UBE3C: variants seen among roughly 807,000 people sequenced by gnomAD.
UBE3C encodes ubiquitin protein ligase E3C, also known as ubiquitin-protein ligase E3C.
Under a neutral mutation model 129.4 loss-of-function variants are expected in UBE3C, and 42 were observed. The ratio of observed to expected loss-of-function variants is 0.32; its 90% CI spans 0.25 to 0.42. The LOEUF (loss-of-function observed/expected upper bound fraction) is 0.42. UBE3C is among the 10% of genes least tolerant of loss of function. UBE3C has a pLI of 1.00. For missense variants in UBE3C, 1,049 were observed against 1,319.1 expected, an observed-to-expected ratio of 0.80 and a Z score of 3.17; for synonymous variants, 510 against 492.4, an observed-to-expected ratio of 1.04 and a Z score of -0.47.
chr7:157,225,321 A>ATGAAGATACTTATG (rs1795846720), intron 16 of UBE3C, 86 bp from the exon 17 acceptor site: 1 of 1,469,752 alleles, frequency 6.8e-7, no homozygotes, highest in African/African-American at 1.4e-5. Flanking sequence ...TGAAGATACA[A>ATGAAGATACTTATG]AAGATAAGAT....
At chr7:157,262,635 G>A (rs1182449) in intron 22 of UBE3C, among the ~76,000 whole-genome samples, 87,906 of 151,440 alleles carry the variant, frequency 0.58, 26,368 homozygotes, top group South Asian at 0.65. Flanking sequence ...TGGCCAGGCT[G>A]GTCTCGAACT....
chr7:157,142,854 A>ATT (rs10714296), intron 1 of UBE3C, among the ~76,000 whole-genome samples: 18 of 142,094 alleles, frequency 1.3e-4, no homozygotes, highest in African/African-American at 1.3e-4. Context: ...TAAAAGTTGA[A>ATT]TTTTTTTTTT....
At chr7:157,244,292 T>A (rs539162978) in intron 18 of UBE3C, among the ~76,000 whole-genome samples, 5 of 152,300 alleles carry the variant, frequency 3.3e-5, no homozygotes, top group African/African-American at 1.2e-4. Flanking sequence ...TAGAGTTAGT[T>A]ACACAAGCCC....
chr7:157,263,438 C>T (rs980992461), intron 22 of UBE3C, among the ~76,000 whole-genome samples: 5 of 152,012 alleles, frequency 3.3e-5, no homozygotes, highest in East Asian at 1.9e-4. Context: ...CTGAGGCGGG[C>T]GGATCACCTG....
intron 16 of UBE3C, 80 bp downstream of exon 16, chr7:157,223,431 C>A: frequency 8.1e-7 from 1 of 1,230,554 alleles, no homozygotes; most frequent in Non-Finnish European, 1.1e-6. Flanking sequence ...AGAGAAATCT[C>A]TAAAGGTGCC....
At chr7:157,183,369 G>C (rs1024796187) in intron 8 of UBE3C, among the ~76,000 whole-genome samples, 1 of 152,186 alleles carries the variant, frequency 6.6e-6, no homozygotes, top group Non-Finnish European at 1.5e-5. Flanking sequence ...CAGAACTCGG[G>C]AAGTCGAGGT....
intron 6 of UBE3C, among the ~76,000 whole-genome samples, chr7:157,179,223 A>G (rs1466440356): frequency 6.6e-6 from 1 of 151,948 alleles, no homozygotes; most frequent in Non-Finnish European, 1.5e-5. Context: ...AGTGAATGGG[A>G]AAGGTAATGC....
chr7:157,186,113 A>T (rs1164033502), intron 9 of UBE3C, among the ~76,000 whole-genome samples: 1 of 152,178 alleles, frequency 6.6e-6, no homozygotes, highest in Admixed American at 6.5e-5. Context: ...AGATTTGTGT[A>T]GCCTTTGATT....
intron 4 of UBE3C, among the ~76,000 whole-genome samples, chr7:157,174,514 T>C (rs1251520801): frequency 6.6e-6 from 1 of 152,196 alleles, no homozygotes; most frequent in Non-Finnish European, 1.5e-5. Flanking sequence ...TGGCTTGATG[T>C]TGGCTCACTG....
intron 18 of UBE3C, among the ~76,000 whole-genome samples, chr7:157,245,922 C>T (rs187534005): frequency 1.5e-4 from 20 of 136,172 alleles, no homozygotes; most frequent in Non-Finnish European, 2.9e-4. Flanking sequence ...ACTCGGGAGG[C>T]GGAGGCTGCA....
At position 157,186,964 on chromosome 7, in the gene UBE3C, T is replaced by C. The variant is rs1035126036; in HGVS notation, c.1274T>C (p.Met425Thr). 6.2e-6 allele frequency: 10 copies of C among 1,613,192 alleles called. No individual in the cohort carries two copies. The highest frequency in any genetic ancestry group is 1.1e-5 in the South Asian group (1 of 90,910). Reference protein sequence around the residue: ...DSASEEVFTTMASVCHTLMVQ... With the variant: ...DSASEEVFTTTASVCHTLMVQ... ...GCGAGCGAGGAGGTCTTCACCACCATGGCCTCCGTCTGCCACACGCTGATG... is the reference window on the plus strand; with the variant it reads ...GCGAGCGAGGAGGTCTTCACCACCACGGCCTCCGTCTGCCACACGCTGATG... The change falls in exon 10 of 23, where the codon ATG (methionine) becomes ACG (threonine). Residue 425 changes from methionine (M) to threonine (T), a missense_variant. By Grantham distance (81) the Met-to-Thr change is moderately conservative. This residue lies in a region of UBE3C where 489 missense variants were observed against 513.8 expected (regional missense o/e 0.95). Transcript: ENST00000348165.
chr7:157,179,440 C>T (rs925359746), intron 6 of UBE3C, among the ~76,000 whole-genome samples: 62 of 152,218 alleles, frequency 4.1e-4, no homozygotes, highest in African/African-American at 1.4e-3. Context: ...CTATACTGAA[C>T]TGCATCTGAA....
chr7:157,139,407 G>GGGGTTGGACTCA (rs2116765697), intron 1 of UBE3C, 69 bp downstream of exon 1: 1 of 1,432,852 alleles, frequency 7.0e-7, no homozygotes, highest in Non-Finnish European at 9.2e-7. Context: ...GCTGGGACTC[G>GGGGTTGGACTCA]GGGCTGGACT....
intron 11 of UBE3C, among the ~76,000 whole-genome samples, chr7:157,205,536 G>A (rs1809408785): frequency 6.6e-6 from 1 of 152,112 alleles, no homozygotes; most frequent in East Asian, 1.9e-4. Flanking sequence ...GTTGAAAGAA[G>A]CCACCCCTGT....
chr7:157,189,063 C>T (rs1446318129), intron 10 of UBE3C: 2 of 424,196 alleles, frequency 4.7e-6, no homozygotes, highest in Non-Finnish European at 8.4e-6. Flanking sequence ...CCGGCTTTTC[C>T]TATAAGAAGG....
intron 10 of UBE3C, among the ~76,000 whole-genome samples, chr7:157,189,705 TG>T (rs1808902445): frequency 6.6e-6 from 1 of 152,198 alleles, no homozygotes. Context: ...CATATTCATG[TG>T]ATTTTTCCTT....
At chr7:157,171,676 ATATATATATATTTTTTTTTTTTTTT>A (rs1563038942) in intron 4 of UBE3C, among the ~76,000 whole-genome samples, 6 of 29,736 alleles carry the variant, frequency 2.0e-4, no homozygotes, top group African/African-American at 6.0e-4. Context: ...ATATATATAT[ATATATATATATTTTTTTTTTTTTTT>A]TTTTTTTTTT....
intron 13 of UBE3C, among the ~76,000 whole-genome samples, chr7:157,209,355 C>CAG (rs887821276): frequency 1.7e-4 from 26 of 152,292 alleles, no homozygotes; most frequent in Non-Finnish European, 3.7e-4. Flanking sequence ...ATAATTTGGG[C>CAG]AGATTGATGT....
chr7:157,181,648 C>T lies in UBE3C; in HGVS notation c.747C>T (p.Tyr249=). ...ENVLKPLHFT[Y]NSCPEGARQQ... is the part of the protein sequence containing the mutation. ...TTCTAAAACCATTGCACTTTACTTA[C>T]AACTCCTGTCCGGAAGGTGCGAGGT... Residue 249 remains tyrosine (Y), a synonymous_variant, in exon 7 of 23, where the codon TAC becomes TAT. Transcript: ENST00000348165. 1.9e-6 allele frequency: 3 copies of T among 1,613,660 alleles called. No homozygotes were observed. The highest frequency in any genetic ancestry group is 2.5e-6 in the Non-Finnish European group (3 of 1,179,874).
Sources: allele counts gnomAD v4.1 joint callset (sites outside exome capture counted in the v4.1 genomes callset), GRCh38; gene constraint gnomAD v4.1.1; regional missense constraint gnomAD v4.1.1; transcripts MANE v1.5; gene names NCBI Gene and HGNC (gene_info 2026-07-23, HGNC 2026-07-21).